Variants in FANCI observed in about 807,000 individuals in gnomAD.
The protein encoded by FANCI is FA complementation group I.
In FANCI, 156 loss-of-function variants were observed where a neutral mutation model predicts 176.1. The observed-to-expected ratio is 0.89, with a 90% CI of 0.78 to 1.01. The LOEUF (loss-of-function observed/expected upper bound fraction) is 1.01, where lower values mean the gene tolerates loss of function less well. Among genes scored for constraint, FANCI ranks in the 50% least tolerant of loss-of-function variants. FANCI has a pLI of 0.00. For missense variants in FANCI, 1,678 were observed against 1,534.1 expected (o/e 1.09, Z -1.57); for synonymous variants, 613 against 541.7 (o/e 1.13, Z -1.83).
At chr15:89,306,751 A>G (rs1482836709) in intron 32 of FANCI, among the ~76,000 whole-genome samples, 1 of 152,168 alleles carries the variant, frequency 6.6e-6, no homozygotes, top group Non-Finnish European at 1.5e-5. Context: ...TTTGGCATGT[A>G]TGTGGCACCT....
At position 89,300,375 on chromosome 15, in the gene FANCI, G is replaced by C; in HGVS notation, c.2879G>C (p.Arg960Pro). The C allele has an allele frequency of 6.2e-7, 1 of 1,613,652 alleles. No individual in the cohort carries two copies. The highest frequency in any genetic ancestry group is 1.3e-5 in the African/African-American group (1 of 75,020). Residue 960 changes from arginine (R) to proline (P), a missense_variant, in exon 26 of 38, where the codon CGG becomes CCG. Physicochemically the swap from Arg to Pro is moderately radical, Grantham distance 103. This residue lies in a region of FANCI where 1,204 missense variants were observed against 1,077.4 expected (regional missense o/e 1.12). Coordinates refer to ENST00000310775, the MANE Select transcript of FANCI (RefSeq NM_001113378.2). ...SVTQRTAFQIRQFQRSLLNLL... is the reference protein window; with the variant it reads ...SVTQRTAFQIPQFQRSLLNLL... ...ACTCAGAGAACAGCATTCCAGATCC[G>C]GCAATTTCAGGTGAGAAGCCTTGCA... is the stretch of plus-strand genomic sequence containing the variant.
intron 1 of FANCI, chr15:89,245,172 C>CTTTTTT (rs1354260784): frequency 2.4e-5 from 3 of 122,544 alleles, no homozygotes; most frequent in African/African-American, 9.7e-5. Flanking sequence ...CTTTTCTTTT[C>CTTTTTT]TTTTCTTTTT....
chr15:89,247,604 C>G lies in FANCI; in HGVS notation c.-19-25C>G, dbSNP rs545353620. 6 of 1,505,674 alleles carry G rather than the reference C, an allele frequency of 4.0e-6. No individual in the cohort carries two copies. The South Asian group carries it at 6.8e-5, about 17-fold the overall frequency. 93.3% of individuals were successfully genotyped at this position (1,505,674 alleles called of 1,614,324 possible). On this transcript the variant is annotated intron_variant, in intron 1 of 37. Transcript: ENST00000310775. ...TTTGTTTATTTCTGGAATCTTCACC[C>G]ACCTCTGACGTTTTTCCCTTGTAGT...
intron 18 of FANCI, 94 bp downstream of exon 18, chr15:89,285,312 T>C: frequency 6.7e-7 from 1 of 1,486,728 alleles, no homozygotes; most frequent in African/African-American, 1.4e-5. Context: ...ACAATAGCTA[T>C]GCTCTTACTT....
At position 89,278,720 on chromosome 15, in the gene FANCI, C is replaced by G; in HGVS notation, c.1327C>G (p.Gln443Glu). 1 of 1,613,882 alleles carries G rather than the reference C, an allele frequency of 6.2e-7. No individual in the cohort carries two copies. Among genetic ancestry groups the G allele is most frequent in the Non-Finnish European group, 8.5e-7 (1 of 1,179,824 alleles). ...GATGATCAGACAAGAAATTTTGGAGCAGGTCCTCAACAGGGTTGTTACCAG... is the reference window on the plus strand; with the variant it reads ...GATGATCAGACAAGAAATTTTGGAGGAGGTCCTCAACAGGGTTGTTACCAG... ...HEMIRQEILEQVLNRVVTRAS... is the reference protein window; with the variant it reads ...HEMIRQEILEEVLNRVVTRAS... Residue 443 changes from glutamine to glutamate, a missense_variant, in exon 14 of 38, where the codon CAG (glutamine) becomes GAG (glutamate). This residue lies in a region of FANCI where 1,204 missense variants were observed against 1,077.4 expected (regional missense o/e 1.12). Coordinates refer to ENST00000310775, the MANE Select transcript of FANCI (RefSeq NM_001113378.2).
intron 10 of FANCI, among the ~76,000 whole-genome samples, chr15:89,270,207 A>G (rs113297432): frequency 3.1e-4 from 47 of 152,340 alleles, no homozygotes; most frequent in African/African-American, 1.1e-3. Context: ...GGATTTGGCC[A>G]ACAGGCTGTA....
intron 23 of FANCI, among the ~76,000 whole-genome samples, chr15:89,294,445 C>T (rs1270468120): frequency 6.6e-6 from 1 of 152,034 alleles, no homozygotes; most frequent in Non-Finnish European, 1.5e-5. Flanking sequence ...ATTAGCCGGG[C>T]ATGGTGGTGC....
chr15:89,279,689 C>A (rs925636828), intron 14 of FANCI, among the ~76,000 whole-genome samples: 1 of 152,072 alleles, frequency 6.6e-6, no homozygotes, highest in Non-Finnish European at 1.5e-5. Flanking sequence ...TTTCATTGCT[C>A]CTATTTCCAT....
intron 3 of FANCI, among the ~76,000 whole-genome samples, chr15:89,259,621 G>GAA (rs2052633598): frequency 6.6e-6 from 1 of 152,110 alleles, no homozygotes; most frequent in Non-Finnish European, 1.5e-5. Context: ...CCTGAAAGAA[G>GAA]GTTTGCATCT....
rs200026076 is a variant in FANCI, at chr15:89,306,123, G to A, written c.3466G>A (p.Gly1156Ser). The A allele has an allele frequency of 7.4e-6, 12 of 1,614,150 alleles. No homozygotes were observed. Among genetic ancestry groups the A allele is most frequent in the Non-Finnish European group, 1.0e-5 (12 of 1,180,030 alleles). ...GCTGGTGCAGACAGCTCTGCCATCA[G>A]GCAGCTGTGTGGACACCTTGTTAAA... ...HELVQTALPS[G>S]SCVDTLLKDL... Residue 1156 changes from glycine to serine, a missense_variant, in exon 32 of 38, where the codon GGC (glycine) becomes AGC (serine). By Grantham distance (56) the Gly-to-Ser change is moderately conservative. This residue lies in a region of FANCI where 1,204 missense variants were observed against 1,077.4 expected (regional missense o/e 1.12). Transcript: ENST00000310775.
intron 16 of FANCI, 36 bp from the exon 17 acceptor site, chr15:89,283,100 T>C: frequency 5.0e-6 from 8 of 1,609,324 alleles, no homozygotes; most frequent in Non-Finnish European, 6.8e-6. Flanking sequence ...TCCTGTGAAA[T>C]AGTACTGTTT....
intron 2 of FANCI, 66 bp from the exon 3 acceptor site, chr15:89,258,638 T>G: frequency 5.1e-6 from 6 of 1,166,816 alleles, no homozygotes; most frequent in Non-Finnish European, 6.5e-6. Context: ...TTTTTCATAT[T>G]GAGTGTTTAG....
chr15:89,266,102 C>T lies in FANCI; in HGVS notation c.755+1495C>T, dbSNP rs556278732. Among the ~76,000 whole-genome samples the T allele has an allele frequency of 1.9e-3, 283 of 150,770 alleles. 2 individuals carry two copies. The highest frequency in any genetic ancestry group is 6.6e-3 in the African/African-American group (271 of 41,132). Reference sequence around the variant, plus strand: ...GCCTCCAATTCCTGGGCTCAAGTGACCCTCCAGCCTCTGCTTCCCAAGTAG... The same window carrying T: ...GCCTCCAATTCCTGGGCTCAAGTGATCCTCCAGCCTCTGCTTCCCAAGTAG... On this transcript the variant is annotated intron_variant, in intron 9 of 37. Transcript: ENST00000310775.
At chr15:89,281,393 A>C (rs1008109176) in intron 15 of FANCI, 93 bp downstream of exon 15, 27 of 1,457,570 alleles carry the variant, frequency 1.9e-5, no homozygotes, top group Non-Finnish European at 2.6e-5. Flanking sequence ...TATATGTCTA[A>C]GAAATTCTAT....
intron 2 of FANCI, among the ~76,000 whole-genome samples, chr15:89,251,328 G>A (rs1408020943): frequency 2.0e-5 from 3 of 152,290 alleles, no homozygotes; most frequent in East Asian, 1.9e-4. Context: ...GAACTACTTC[G>A]TACAAAAACA....
intron 22 of FANCI, among the ~76,000 whole-genome samples, 165 bp downstream of exon 22, chr15:89,293,228 G>C (rs1018553262): frequency 6.6e-6 from 1 of 152,156 alleles, no homozygotes; most frequent in Non-Finnish European, 1.5e-5. Context: ...CCACTAGAGA[G>C]CGCTGAAGTA....
chr15:89,273,511 T>TA lies in FANCI; in HGVS notation c.975+66dup, dbSNP rs34985075. On this transcript the variant is annotated intron_variant, in intron 11 of 37. Coordinates refer to ENST00000310775, the MANE Select transcript of FANCI (RefSeq NM_001113378.2). ...CCATTTTGTTTCTTTCTGTAGTTGG[T>TA]AAAAAAAAAAAAAAAAAAAAAAAAT... The TA allele has an allele frequency of 0.049, 22,938 of 470,746 alleles. 143 individuals are homozygous for TA. The highest frequency in any genetic ancestry group is 0.076 in the South Asian group (3,436 of 45,284). 29.2% of individuals were successfully genotyped at this position (470,746 alleles called of 1,614,324 possible). A position where few individuals can be genotyped will look rare whatever the true frequency, so the allele number is the denominator to read the frequency against.
At chr15:89,248,945 T>C (rs1456463589) in intron 2 of FANCI, among the ~76,000 whole-genome samples, 1 of 152,188 alleles carries the variant, frequency 6.6e-6, no homozygotes. Context: ...CCCAGCACTT[T>C]GGGAGGATTC....
chr15:89,297,948 G>GA (rs1270767798), intron 24 of FANCI, among the ~76,000 whole-genome samples: 2 of 151,656 alleles, frequency 1.3e-5, no homozygotes, highest in Non-Finnish European at 2.9e-5. Context: ...TATTATTGGG[G>GA]AAAAAAAGAG....
Sources: gnomAD v4.1 joint callset for allele counts (sites outside exome capture counted in the v4.1 genomes callset) on GRCh38, gnomAD v4.1.1 for gene constraint, gnomAD v4.1.1 regional missense constraint, MANE v1.5 for transcripts, NCBI Gene and HGNC (gene_info 2026-07-23, HGNC 2026-07-21) for gene names.